The following ARHGAP28 variants were observed in gnomAD, a reference collection of about 807,000 sequenced individuals.
ARHGAP28 encodes Rho GTPase activating protein 28, also known as rho GTPase-activating protein 28.
ARHGAP28 carries 56 observed loss-of-function variants against 90.7 expected under a neutral mutation model. The observed-to-expected ratio is 0.62, with a 90% CI of 0.50 to 0.77. ARHGAP28 has a LOEUF of 0.77. Among genes scored for constraint, ARHGAP28 ranks in the 30% least tolerant of loss-of-function variants. The probability of loss-of-function intolerance (pLI) is 0.00; values close to 1 mark genes in which losing one functional copy is unlikely to be tolerated. For missense variants in ARHGAP28, 869 were observed against 900.9 expected, an observed-to-expected ratio of 0.96 and a Z score of 0.45; for synonymous variants, 308 against 323.3, an observed-to-expected ratio of 0.95 and a Z score of 0.51.
rs990520061 is a variant in ARHGAP28 at position 6,810,210 on chromosome 18, T to C, written c.123-14552T>C. Among the ~76,000 whole-genome samples the C allele has an allele frequency of 9.2e-5, 14 of 152,312 alleles. 1 individual carries two copies. Among genetic ancestry groups the C allele is most frequent in the Admixed American group, 6.5e-4 (10 of 15,298 alleles). ...ACCAGTAAGTGTATTGATAGAAGTA[T>C]GCTCAGAATTGCATCAGCCCATGTA... On this transcript the variant is annotated intron_variant, in intron 1 of 17. Transcript: ENST00000383472.
intron 5 of ARHGAP28, 30 bp from the exon 6 acceptor site, chr18:6,868,120 G>A (rs760037727): frequency 1.3e-6 from 2 of 1,571,144 alleles, no homozygotes; most frequent in South Asian, 1.1e-5. Flanking sequence ...ATGGTAAAAT[G>A]TTTTGTGTTC....
At chr18:6,744,105 G>A (rs997660685) in intron 1 of ARHGAP28, among the ~76,000 whole-genome samples, 1 of 152,196 alleles carries the variant, frequency 6.6e-6, no homozygotes, top group South Asian at 2.1e-4. Context: ...GCTCGGGTTG[G>A]TGAGAGAAGG....
chr18:6,803,640 T>G (rs1334241937), intron 1 of ARHGAP28, among the ~76,000 whole-genome samples: 1 of 152,158 alleles, frequency 6.6e-6, no homozygotes, highest in Non-Finnish European at 1.5e-5. Context: ...CTGAAAGAGT[T>G]TTTGGAGAAC....
At chr18:6,869,219 A>C (rs2057062012) in intron 6 of ARHGAP28, among the ~76,000 whole-genome samples, 1 of 149,624 alleles carries the variant, frequency 6.7e-6, no homozygotes. Flanking sequence ...GCCCCTGTAT[A>C]ACAAGGGAGC....
At chr18:6,773,835 C>A (rs1476415216) in intron 1 of ARHGAP28, among the ~76,000 whole-genome samples, 2 of 152,156 alleles carry the variant, frequency 1.3e-5, no homozygotes, top group Non-Finnish European at 2.9e-5. Context: ...AAATTGTCCT[C>A]ACACACTGCT....
chr18:6,801,828 C>T (rs568930451), intron 1 of ARHGAP28, among the ~76,000 whole-genome samples: 3 of 152,140 alleles, frequency 2.0e-5, no homozygotes, highest in African/African-American at 7.2e-5. Flanking sequence ...AATAGCCCAC[C>T]GGTCACCTTA....
At chr18:6,907,302 T>A (rs1271999748) in intron 16 of ARHGAP28, among the ~76,000 whole-genome samples, 1 of 151,772 alleles carries the variant, frequency 6.6e-6, no homozygotes. Flanking sequence ...CTGACACTCC[T>A]GGGCATTTAT....
intron 2 of ARHGAP28, among the ~76,000 whole-genome samples, chr18:6,836,603 G>T (rs1391375572): frequency 6.6e-6 from 1 of 152,126 alleles, no homozygotes; most frequent in African/African-American, 2.4e-5. Flanking sequence ...CTATATGGAG[G>T]AATTGGGAGG....
chr18:6,735,923 G>A (rs2055923116), intron 1 of ARHGAP28, among the ~76,000 whole-genome samples: 1 of 152,118 alleles, frequency 6.6e-6, no homozygotes, highest in Middle Eastern at 3.2e-3. Flanking sequence ...TCATACAGCG[G>A]GTATGCGACG....
At chr18:6,751,803 A>AT (rs1173864945) in intron 1 of ARHGAP28, among the ~76,000 whole-genome samples, 1 of 152,154 alleles carries the variant, frequency 6.6e-6, no homozygotes, top group Non-Finnish European at 1.5e-5. Context: ...AAGCCATAAC[A>AT]TTTGCTGTAT....
At chr18:6,843,589 C>G (rs2056843833) in intron 3 of ARHGAP28, among the ~76,000 whole-genome samples, 2 of 152,180 alleles carry the variant, frequency 1.3e-5, no homozygotes, top group African/African-American at 4.8e-5. Context: ...GTCTTTAGAA[C>G]TGCACGTTTA....
chr18:6,877,986 G>T (rs982688218), intron 10 of ARHGAP28, among the ~76,000 whole-genome samples: 2 of 151,988 alleles, frequency 1.3e-5, no homozygotes, highest in Non-Finnish European at 2.9e-5. Context: ...ATGTGTGTGT[G>T]TGTATGTATG....
chr18:6,735,888 G>A (rs1410291853), intron 1 of ARHGAP28, among the ~76,000 whole-genome samples: 1 of 152,140 alleles, frequency 6.6e-6, no homozygotes, highest in Non-Finnish European at 1.5e-5. Context: ...ATCTGTGGAA[G>A]TAATATTGGG....
chr18:6,809,671 A>G lies in ARHGAP28; in HGVS notation c.123-15091A>G, dbSNP rs117627719. Among the ~76,000 whole-genome samples, 611 of 152,288 alleles carry G rather than the reference A, an allele frequency of 4.0e-3. 15 individuals are homozygous for G. In the East Asian group the frequency reaches 0.077, roughly 19 times the overall value. ...GATCTTATTAGAACTCTATCATGAA[A>G]CATCGCTAGGGAGACTAAACTATTA... On this transcript the variant is annotated intron_variant, in intron 1 of 17. Coordinates refer to ENST00000383472, the MANE Select transcript of ARHGAP28 (RefSeq NM_001366230.1).
At chr18:6,759,444 T>C (rs2056140721) in intron 1 of ARHGAP28, among the ~76,000 whole-genome samples, 1 of 152,230 alleles carries the variant, frequency 6.6e-6, no homozygotes, top group Admixed American at 6.5e-5. Flanking sequence ...TTCATTTTGG[T>C]GGTTCTTTAA....
intron 1 of ARHGAP28, among the ~76,000 whole-genome samples, chr18:6,807,710 T>C (rs2056528884): frequency 6.6e-6 from 1 of 152,178 alleles, no homozygotes; most frequent in Non-Finnish European, 1.5e-5. Context: ...GTAGTTTCCA[T>C]ATATGAATTT....
intron 1 of ARHGAP28, among the ~76,000 whole-genome samples, chr18:6,744,504 A>T (rs1367342935): frequency 6.6e-6 from 1 of 152,202 alleles, no homozygotes; most frequent in East Asian, 1.9e-4. Context: ...ATTTTTAACT[A>T]AAACACATTT....
At chr18:6,898,833 G>C in intron 16 of ARHGAP28, 2 of 959,844 alleles carry the variant, frequency 2.1e-6, no homozygotes, top group Non-Finnish European at 2.6e-6. Context: ...GAGCTAAGCT[G>C]TGAGGATGTA....
rs1005870485 is a variant in ARHGAP28, at chr18:6,911,187, G to A, written c.2096-873G>A. Among the ~76,000 whole-genome samples the A allele has an allele frequency of 3.3e-5, 5 of 152,274 alleles. No individual in the cohort carries two copies. The East Asian group carries it at 5.8e-4, about 18-fold the overall frequency. On this transcript the variant is annotated intron_variant, in intron 17 of 17. Coordinates refer to ENST00000383472, the MANE Select transcript of ARHGAP28 (RefSeq NM_001366230.1). Reference sequence around the variant, plus strand: ...AGCATACATTTCAAGCACACTGCACGTAAAGACTTTCGAATACGTTTGCCC... The same window carrying A: ...AGCATACATTTCAAGCACACTGCACATAAAGACTTTCGAATACGTTTGCCC...
Sources: allele counts gnomAD v4.1 joint callset (sites outside exome capture counted in the v4.1 genomes callset), GRCh38; gene constraint gnomAD v4.1.1; transcripts MANE v1.5; gene names NCBI Gene and HGNC (gene_info 2026-07-23, HGNC 2026-07-21).